KIF13B: variants seen among roughly 807,000 people sequenced by gnomAD.
The protein encoded by KIF13B is kinesin-like protein KIF13B.
Under a neutral mutation model 222.0 loss-of-function variants are expected in KIF13B, and 127 were observed. The observed-to-expected ratio is 0.57, with a 90% CI of 0.50 to 0.66. The LOEUF (loss-of-function observed/expected upper bound fraction) is 0.66, where lower values mean the gene tolerates loss of function less well. KIF13B is among the 30% of genes least tolerant of loss of function. The pLI is 0.00. For synonymous variants in KIF13B, 976 were observed against 919.0 expected (o/e 1.06, Z -1.12); for missense variants, 2,173 against 2,379.0 (o/e 0.91, Z 1.80).
At chr8:29,164,340 G>A (rs951816379) in intron 12 of KIF13B, among the ~76,000 whole-genome samples, 10 of 152,216 alleles carry the variant, frequency 6.6e-5, no homozygotes, top group African/African-American at 2.4e-4. Flanking sequence ...ACAAGGAACA[G>A]TTAAAAACAA....
intron 2 of KIF13B, among the ~76,000 whole-genome samples, chr8:29,216,246 G>A (rs1185948413): frequency 3.9e-5 from 6 of 152,126 alleles, no homozygotes; most frequent in Admixed American, 3.3e-4. Context: ...ATCACAAACA[G>A]GTTAAATAAT....
chr8:29,078,013 T>C (rs1236997291), intron 37 of KIF13B, among the ~76,000 whole-genome samples: 3 of 150,252 alleles, frequency 2.0e-5, no homozygotes, highest in African/African-American at 7.4e-5. Flanking sequence ...CCAGGCACGG[T>C]GGTTCACGCC....
At position 29,147,416 on chromosome 8, in the gene KIF13B, C is replaced by G; in HGVS notation, c.2000G>C (p.Arg667Pro). The G allele has an allele frequency of 4.4e-6, 7 of 1,608,062 alleles. No individual in the cohort carries two copies. The highest frequency in any genetic ancestry group is 5.9e-6 in the Non-Finnish European group (7 of 1,177,356). ...FSFHSPSAQQ[R>P]LRQWAEEREA... ...CCTCTCCTCAGCCCACTGTCTTAAG[C>G]GTTGCTGAGCGCTGGGCGAGTGGAA... The change falls in exon 17 of 40, where the codon CGC becomes CCC. Residue 667 changes from arginine to proline, a missense_variant. By Grantham distance (103) the Arg-to-Pro change is moderately radical. Transcript: ENST00000524189.
chr8:29,210,258 T>C (rs1814158458), intron 2 of KIF13B, among the ~76,000 whole-genome samples: 1 of 152,228 alleles, frequency 6.6e-6, no homozygotes, highest in Non-Finnish European at 1.5e-5. Flanking sequence ...TATACCTTTG[T>C]GTAAACTGCC....
At chr8:29,115,199 T>G (rs1481000843) in intron 31 of KIF13B, among the ~76,000 whole-genome samples, 2 of 151,932 alleles carry the variant, frequency 1.3e-5, no homozygotes, top group Non-Finnish European at 2.9e-5. Flanking sequence ...AATGAAAAGA[T>G]TTTCATCTGT....
rs373472045 is a variant in KIF13B at position 29,140,092 on chromosome 8, C to T, written c.2584G>A (p.Glu862Lys). Residue 862 changes from glutamate to lysine, a missense_variant, in exon 21 of 40, where the codon GAG becomes AAG. Around this residue, in one of 2 missense-constraint regions of KIF13B, gnomAD observed 1,480 missense variants for 1,722.8 expected, o/e 0.86. Transcript: ENST00000524189. ...DEVAEVSFEK[E>K]TQENKLVCMV... Reference sequence around the variant, plus strand: ...CACACCAGTTTGTTCTCCTGGGTCTCCTTCTCAAAGGAGACCTCTGCCACC... The same window carrying T: ...CACACCAGTTTGTTCTCCTGGGTCTTCTTCTCAAAGGAGACCTCTGCCACC... 1.9e-5 allele frequency: 30 copies of T among 1,604,118 alleles called. No individual in the cohort carries two copies. The highest frequency in any genetic ancestry group is 6.7e-5 in the African/African-American group (5 of 74,710).
chr8:29,073,391 A>G (rs1261106421), intron 38 of KIF13B, among the ~76,000 whole-genome samples: 1 of 152,150 alleles, frequency 6.6e-6, no homozygotes, highest in East Asian at 1.9e-4. Context: ...ACACACTCAA[A>G]GCCCACATCT....
chr8:29,229,088 TA>T lies in KIF13B; in HGVS notation c.149+16257del, dbSNP rs370080449. On this transcript the variant is annotated intron_variant, in intron 2 of 39. Coordinates refer to ENST00000524189, the MANE Select transcript of KIF13B (RefSeq NM_015254.4). ...TTTCCTAACTCCAGAATGTCAGCTTTAAAAAAAAAAAAAAAAAAAAAAAGCA... is the reference window on the plus strand; with the variant it reads ...TTTCCTAACTCCAGAATGTCAGCTTTAAAAAAAAAAAAAAAAAAAAAAGCA... Among the ~76,000 whole-genome samples the T allele has an allele frequency of 4.4e-3, 417 of 94,684 alleles. 9 individuals carry two copies. The highest frequency in any genetic ancestry group is 0.034 in the Admixed American group (245 of 7,282). The allele number at this position is 94,684 out of a possible 152,430, so 62.1% of individuals were successfully genotyped here.
At chr8:29,115,785 G>GCCCTC (rs1321413992) in intron 31 of KIF13B, among the ~76,000 whole-genome samples, 2 of 151,996 alleles carry the variant, frequency 1.3e-5, no homozygotes, top group African/African-American at 2.4e-5. Context: ...GTCCTGCCCT[G>GCCCTC]CCCTCCCCAC....
intron 2 of KIF13B, among the ~76,000 whole-genome samples, chr8:29,235,042 T>C (rs1354093452): frequency 6.6e-6 from 1 of 152,190 alleles, no homozygotes; most frequent in African/African-American, 2.4e-5. Flanking sequence ...AATCTACACA[T>C]TATAAACAGA....
intron 35 of KIF13B, among the ~76,000 whole-genome samples, chr8:29,106,517 C>T (rs573805203): frequency 1.4e-4 from 21 of 151,468 alleles, no homozygotes; most frequent in African/African-American, 3.9e-4. Flanking sequence ...CTGCAATCCC[C>T]GCTACTGGGG....
intron 2 of KIF13B, among the ~76,000 whole-genome samples, chr8:29,224,801 C>T (rs1814945796): frequency 6.6e-6 from 1 of 152,102 alleles, no homozygotes; most frequent in South Asian, 2.1e-4. Context: ...TTAGTTATTC[C>T]TATGTGTGGA....
chr8:29,191,111 A>G, intron 3 of KIF13B, 54 bp from the exon 4 acceptor site: 1 of 1,309,476 alleles, frequency 7.6e-7, no homozygotes, highest in Non-Finnish European at 1.1e-6. Context: ...TTACTTATAA[A>G]CCATAACTGA....
At position 29,116,870 on chromosome 8, in the gene KIF13B, C is replaced by T. The variant is rs746173402; in HGVS notation, c.3798G>A (p.Val1266=). The part of the protein sequence containing the change: ...QLSHPADMQL[V]LRKRICVNVH... ...CATTGACACAGATTCTCTTGCGTAA[C>T]ACCAGTTGCATGTCAGCAGGGTGGC... The change falls in exon 31 of 40, where the codon GTG becomes GTA. Residue 1266 remains valine (V), a synonymous_variant. Coordinates refer to ENST00000524189, the MANE Select transcript of KIF13B (RefSeq NM_015254.4). 5.3e-6 allele frequency: 8 copies of T among 1,517,182 alleles called. No homozygotes were observed. The African/African-American group carries it at 1.1e-4, about 21-fold the overall frequency. 94.0% of individuals were successfully genotyped at this position (1,517,182 alleles called of 1,614,324 possible).
At chr8:29,252,811 T>C (rs1371813656) in intron 1 of KIF13B, among the ~76,000 whole-genome samples, 3 of 152,224 alleles carry the variant, frequency 2.0e-5, no homozygotes, top group Admixed American at 6.5e-5. Flanking sequence ...ATTTATAAGT[T>C]ACTTGGGACC....
intron 9 of KIF13B, among the ~76,000 whole-genome samples, chr8:29,176,880 T>C (rs1812502874): frequency 1.3e-5 from 2 of 151,920 alleles, no homozygotes; most frequent in African/African-American, 4.8e-5. Context: ...AAACAAAATA[T>C]TACTTCGTAA....
At chr8:29,139,039 G>A (rs77622301) in intron 21 of KIF13B, among the ~76,000 whole-genome samples, 1 of 152,170 alleles carries the variant, frequency 6.6e-6, no homozygotes, top group Non-Finnish European at 1.5e-5. Flanking sequence ...GGGGTGCTAA[G>A]GGAGGGGGGC....
Position 29,126,518 on chromosome 8 carries a change from G to C in KIF13B, c.3223-7C>G. 1 of 1,499,726 alleles carries C rather than the reference G, an allele frequency of 6.7e-7. No homozygotes were observed. Among genetic ancestry groups the C allele is most frequent in the African/African-American group, 1.4e-5 (1 of 73,250 alleles). 92.9% of individuals were successfully genotyped at this position (1,499,726 alleles called of 1,614,324 possible). ...CCATGTCTTCCTCTTCCTCCTAAAA[G>C]AAAATATACATTACAAAGAACTGAA... On this transcript the variant is annotated splice_polypyrimidine_tract_variant and splice_region_variant and intron_variant, in intron 25 of 39. Transcript: ENST00000524189.
At chr8:29,098,343 C>CTGTA (rs1409609916) in intron 36 of KIF13B, among the ~76,000 whole-genome samples, 2 of 151,828 alleles carry the variant, frequency 1.3e-5, no homozygotes, top group Non-Finnish European at 2.9e-5. Context: ...TAGCTCACGC[C>CTGTA]TGTAATCCCA....
Sources: allele counts gnomAD v4.1 joint callset (sites outside exome capture counted in the v4.1 genomes callset), GRCh38; gene constraint gnomAD v4.1.1; regional missense constraint gnomAD v4.1.1; transcripts MANE v1.5; gene names NCBI Gene and HGNC (gene_info 2026-07-23, HGNC 2026-07-21).